Variants in INPP4A observed in about 807,000 individuals in gnomAD.
The protein encoded by INPP4A is inositol polyphosphate-4-phosphatase, type I, 107kD.
Under a neutral mutation model 119.8 loss-of-function variants are expected in INPP4A, and 33 were observed. The observed-to-expected ratio is 0.28, with a 90% CI of 0.21 to 0.37. INPP4A has a LOEUF of 0.37. INPP4A is among the 10% of genes least tolerant of loss of function. The probability of loss-of-function intolerance (pLI) is 1.00; values close to 1 mark genes in which losing one functional copy is unlikely to be tolerated. For synonymous variants in INPP4A, 496 were observed against 500.7 expected, an observed-to-expected ratio of 0.99 and a Z score of 0.12; for missense variants, 956 against 1,289.9, an observed-to-expected ratio of 0.74 and a Z score of 3.97.
chr2:98,464,156 A>G (rs1483919361), intron 1 of INPP4A, among the ~76,000 whole-genome samples: 1 of 152,114 alleles, frequency 6.6e-6, no homozygotes, highest in Non-Finnish European at 1.5e-5. Context: ...GGCTTGATGA[A>G]GGGGACAGTC....
At chr2:98,447,572 T>C (rs748890656) in intron 1 of INPP4A, among the ~76,000 whole-genome samples, 2 of 152,158 alleles carry the variant, frequency 1.3e-5, no homozygotes, top group Non-Finnish European at 2.9e-5. Flanking sequence ...TATTTTGATA[T>C]AGTTTCAGAC....
At chr2:98,516,767 G>A (rs1686204627) in intron 1 of INPP4A, among the ~76,000 whole-genome samples, 1 of 152,146 alleles carries the variant, frequency 6.6e-6, no homozygotes. Context: ...TGACACAAGA[G>A]TATGGCTGTT....
chr2:98,543,775 T>G, intron 10 of INPP4A, 102 bp from the exon 11 acceptor site: 10 of 1,451,414 alleles, frequency 6.9e-6, no homozygotes, highest in African/African-American at 1.4e-5. Flanking sequence ...TGGGCATCCA[T>G]GATACTTCCC....
At chr2:98,530,841 G>C (rs1689081154) in intron 4 of INPP4A, among the ~76,000 whole-genome samples, 1 of 152,262 alleles carries the variant, frequency 6.6e-6, no homozygotes, top group African/African-American at 2.4e-5. Context: ...TAGTTAATAG[G>C]GGCTGCTATA....
chr2:98,543,143 A>G lies in INPP4A; in HGVS notation c.819-734A>G, dbSNP rs373427366. 2.4e-4 allele frequency among the ~76,000 whole-genome samples: 36 copies of G among 152,228 alleles called. No homozygotes were observed. The Middle Eastern group carries it at 0.01, about 43-fold the overall frequency. ...CACCATGTTAGCCAGGATGGTCTCA[A>G]TCTAGCTCCTCTCTTACATAGACAC... On this transcript the variant is annotated intron_variant, in intron 10 of 24. Transcript: ENST00000409851.
chr2:98,454,941 C>T (rs992232394), intron 1 of INPP4A, among the ~76,000 whole-genome samples: 1 of 152,134 alleles, frequency 6.6e-6, no homozygotes, highest in African/African-American at 2.4e-5. Context: ...TCTGTGTATA[C>T]AAATGTTAAA....
intron 24 of INPP4A, chr2:98,581,735 G>A: frequency 6.2e-7 from 1 of 1,609,392 alleles, no homozygotes; most frequent in Non-Finnish European, 8.5e-7. Context: ...CATACCTGGT[G>A]ACCAAATTGC....
intron 14 of INPP4A, among the ~76,000 whole-genome samples, chr2:98,553,506 C>G (rs2106204419): frequency 6.6e-6 from 1 of 152,166 alleles, no homozygotes; most frequent in Admixed American, 6.5e-5. Context: ...ATGGATGATA[C>G]TTTTCCCCAT....
At chr2:98,535,667 C>A in intron 5 of INPP4A, 62 bp from the exon 6 acceptor site, 1 of 727,132 alleles carries the variant, frequency 1.4e-6, no homozygotes, top group South Asian at 1.8e-5. Flanking sequence ...TGGTGTATTT[C>A]AAAAGCAATT....
intron 1 of INPP4A, among the ~76,000 whole-genome samples, chr2:98,502,250 T>C (rs1683267332): frequency 6.6e-6 from 1 of 152,230 alleles, no homozygotes; most frequent in Non-Finnish European, 1.5e-5. Flanking sequence ...ACTGTCAGTG[T>C]CCTGGTTTGC....
intron 1 of INPP4A, among the ~76,000 whole-genome samples, chr2:98,510,059 G>A (rs1457530564): frequency 6.6e-6 from 1 of 152,218 alleles, no homozygotes; most frequent in Non-Finnish European, 1.5e-5. Flanking sequence ...TGAAGACACT[G>A]CTAGGAGGTT....
At chr2:98,536,075 C>A in intron 6 of INPP4A, 54 bp from the exon 7 acceptor site, 2 of 1,137,624 alleles carry the variant, frequency 1.8e-6, no homozygotes, top group Non-Finnish European at 2.6e-6. Context: ...ATGGTAATTG[C>A]ATCAGAAGCA....
intron 17 of INPP4A, among the ~76,000 whole-genome samples, chr2:98,561,437 T>C (rs528496882): frequency 8.5e-5 from 13 of 152,360 alleles, no homozygotes; most frequent in East Asian, 3.9e-4. Flanking sequence ...GGTTGAACTT[T>C]TAAAAAATTG....
At position 98,519,988 on chromosome 2, in the gene INPP4A, TC is replaced by T. The variant is rs1686875403; in HGVS notation, c.-58del. The T allele has an allele frequency of 2.1e-5, 29 of 1,397,028 alleles. 1 individual carries two copies. In the East Asian group the frequency reaches 7.2e-4, roughly 35 times the overall value. The allele number at this position is 1,397,028 out of a possible 1,614,324, so 86.5% of individuals were successfully genotyped here. A position where few individuals can be genotyped will look rare whatever the true frequency, so the allele number is the denominator to read the frequency against. ...TGGACTAGGGCTCGGTGCCAGCACT[TC>T]CCGGGTAATCAGGCGTGGTCTGACC... On this transcript the variant is annotated 5_prime_UTR_variant, in exon 3 of 25. An upstream open reading frame in the 5' UTR gains an earlier in-frame stop. Transcript: ENST00000409851.
intron 23 of INPP4A, 107 bp downstream of exon 23, chr2:98,573,034 A>G: frequency 2.5e-5 from 20 of 810,094 alleles, no homozygotes; most frequent in Non-Finnish European, 4.0e-5. Context: ...AGCTCTCCAT[A>G]CTGGGAGAGG....
At chr2:98,481,421 G>A (rs1241402258) in intron 1 of INPP4A, among the ~76,000 whole-genome samples, 1 of 152,122 alleles carries the variant, frequency 6.6e-6, no homozygotes, top group African/African-American at 2.4e-5. Context: ...CAGAACCCTC[G>A]CTCCTCCAGT....
chr2:98,550,130 C>A (rs1449582952), intron 13 of INPP4A, among the ~76,000 whole-genome samples: 1 of 152,066 alleles, frequency 6.6e-6, no homozygotes, highest in Non-Finnish European at 1.5e-5. Context: ...TCCTGGGGAA[C>A]TTTCTGCGTT....
At chr2:98,534,707 G>C (rs1044421405) in intron 5 of INPP4A, among the ~76,000 whole-genome samples, 1 of 152,238 alleles carries the variant, frequency 6.6e-6, no homozygotes, top group Non-Finnish European at 1.5e-5. Flanking sequence ...TTTATCAGCA[G>C]ATGGTAGTGA....
At chr2:98,486,532 G>T (rs186650786) in intron 1 of INPP4A, among the ~76,000 whole-genome samples, 1 of 152,244 alleles carries the variant, frequency 6.6e-6, no homozygotes, top group South Asian at 2.1e-4. Context: ...AAACCCAGGG[G>T]TTCCTGTTCT....
Sources: allele counts gnomAD v4.1 joint callset (sites outside exome capture counted in the v4.1 genomes callset), GRCh38; gene constraint gnomAD v4.1.1; transcripts MANE v1.5; gene names NCBI Gene and HGNC (gene_info 2026-07-23, HGNC 2026-07-21).